The following SHC2 variants were observed in gnomAD, a reference collection of about 807,000 sequenced individuals.
SHC2 encodes SHC adaptor protein 2, also known as SHC-transforming protein 2.
Under a neutral mutation model 60.6 loss-of-function variants are expected in SHC2, and 62 were observed. The observed-to-expected ratio is 1.02, with a 90% CI of 0.83 to 1.26. The LOEUF is 1.26. Among genes scored for constraint, SHC2 ranks in the 50% most tolerant of loss-of-function variants. The pLI is 0.00. For missense variants in SHC2, 873 were observed against 822.2 expected, an observed-to-expected ratio of 1.06 and a Z score of -0.76; for synonymous variants, 375 against 372.4, an observed-to-expected ratio of 1.01 and a Z score of -0.08.
intron 4 of SHC2, 107 bp from the exon 5 acceptor site, chr19:436,790 T>G (rs964091319): frequency 1.1e-5 from 12 of 1,123,054 alleles, no homozygotes; most frequent in Non-Finnish European, 1.5e-5. Context: ...GGCAGGGATG[T>G]GGGGATGGAG....
In SHC2 at chr19:459,362, G is replaced by A. The variant is rs1408380392; in HGVS notation, c.468+1167C>T. ...GAAGGACCCCACTGAAGCCAGCGTA[G>A]GGGGAAGGACCCCACTGAAGCCAGC... On this transcript the variant is annotated intron_variant, in intron 1 of 12. Transcript: ENST00000264554. Among the ~76,000 whole-genome samples the A allele has an allele frequency of 2.9e-5, 4 of 138,140 alleles. 1 individual carries two copies. Among genetic ancestry groups the A allele is most frequent in the African/African-American group, 8.4e-5 (3 of 35,552 alleles). 90.6% of individuals were successfully genotyped at this position (138,140 alleles called of 152,430 possible). A position where few individuals can be genotyped will look rare whatever the true frequency, so the allele number is the denominator to read the frequency against.
chr19:418,154 G>A (rs1974195250), intron 12 of SHC2, among the ~76,000 whole-genome samples: 1 of 152,122 alleles, frequency 6.6e-6, no homozygotes, highest in Admixed American at 6.5e-5. Flanking sequence ...TGGAGGCCTG[G>A]GGCTCCTTGG....
intron 9 of SHC2, among the ~76,000 whole-genome samples, chr19:428,565 G>C (rs1032413420): frequency 6.6e-6 from 1 of 152,230 alleles, no homozygotes; most frequent in African/African-American, 2.4e-5. Context: ...GGGCTATGAC[G>C]CACGTTTGAA....
rs1975528538 is a variant in SHC2, at chr19:460,679, C to T, written c.318G>A (p.Gly106=). 3.8e-6 allele frequency: 4 copies of T among 1,054,450 alleles called. No individual in the cohort carries two copies. The highest frequency in any genetic ancestry group is 3.4e-6 in the Non-Finnish European group (3 of 879,752). 65.3% of individuals were successfully genotyped at this position (1,054,450 alleles called of 1,614,324 possible). The change falls in exon 1 of 13, where the codon GGG becomes GGA. Residue 106 remains glycine, a synonymous_variant. Transcript: ENST00000264554. The part of the protein sequence containing the change: ...LSRCRGAGSR[G]SRGGRGAAGS... ...CCGCCGCCCCCCGCCCGCCCCGCGACCCCCGCGACCCCGCGCCCCGACAGC... is the reference window on the plus strand; with the variant it reads ...CCGCCGCCCCCCGCCCGCCCCGCGATCCCCGCGACCCCGCGCCCCGACAGC...
At chr19:460,411 A>C in intron 1 of SHC2, 118 bp downstream of exon 1, 2 of 356,690 alleles carry the variant, frequency 5.6e-6, no homozygotes, top group East Asian at 5.2e-5. Context: ...GGGTGGCGGG[A>C]GAGCAGGAAG....
In SHC2 at chr19:424,326, C is replaced by T. The variant is rs543936474; in HGVS notation, c.1309+771G>A. Among the ~76,000 whole-genome samples the T allele has an allele frequency of 4.5e-4, 68 of 152,314 alleles. 1 individual carries two copies. In the South Asian group the frequency reaches 0.013, roughly 30 times the overall value. ...CCACTTTGTCCAGAGGTGGACTAAG[C>T]CTCCCTCATTGGACTGGGCGTTCCT... On this transcript the variant is annotated intron_variant, in intron 10 of 12. Coordinates refer to ENST00000264554, the MANE Select transcript of SHC2 (RefSeq NM_012435.3). The surrounding 1 kb of genome is among the most constrained non-coding windows in gnomAD (Gnocchi z 4.5).
intron 7 of SHC2, chr19:435,891 T>C: frequency 2.5e-6 from 1 of 398,476 alleles, no homozygotes; most frequent in Admixed American, 3.6e-5. Flanking sequence ...GGAGGAGGGA[T>C]ATTGGTTGTA....
intron 2 of SHC2, chr19:439,329 G>C: frequency 2.0e-6 from 1 of 493,460 alleles, no homozygotes; most frequent in Non-Finnish European, 3.7e-6. Flanking sequence ...CCCAGCTCTG[G>C]CCCCTCTACC....
chr19:441,184 G>A lies in SHC2; in HGVS notation c.469-252C>T. 4 of 984,372 alleles carry A rather than the reference G, an allele frequency of 4.1e-6. No homozygotes were observed. The highest frequency in any genetic ancestry group is 4.8e-6 in the Non-Finnish European group (4 of 829,360). 61.0% of individuals were successfully genotyped at this position (984,372 alleles called of 1,614,324 possible). On this transcript the variant is annotated intron_variant, in intron 1 of 12. Transcript: ENST00000264554. The surrounding 1 kb of genome is among the most constrained non-coding windows in gnomAD (Gnocchi z 4.9). The stretch of plus-strand genomic sequence containing the variant: ...TCTCAGGAGCCTGGTGGTTCCCCCA[G>A]ACGCTCTATGCTGCTTGTTCATTTA...
At chr19:430,887 C>T in intron 8 of SHC2, 140 bp from the exon 9 acceptor site, 3 of 746,900 alleles carry the variant, frequency 4.0e-6, no homozygotes, top group Non-Finnish European at 4.4e-6. Flanking sequence ...TCCCATTGCT[C>T]TCTCACTCTG....
chr19:442,791 ATGGATGGGTGGGTGGATGAGTGGATGGG>A (rs1974922954), intron 1 of SHC2, among the ~76,000 whole-genome samples: 1 of 66,222 alleles, frequency 1.5e-5, no homozygotes. Context: ...GGATGGGTGG[ATGGATGGGTGGGTGGATGAGTGGATGGG>A]TGGATGGGTG....
rs1354829177 is a variant in SHC2, at chr19:441,181, C to T, written c.469-249G>A. The T allele has an allele frequency of 1.0e-6, 1 of 984,626 alleles. No individual in the cohort carries two copies. The highest frequency in any genetic ancestry group is 1.2e-6 in the Non-Finnish European group (1 of 829,638). The allele number at this position is 984,626 out of a possible 1,614,324, so 61.0% of individuals were successfully genotyped here. ...GTTTCTCAGGAGCCTGGTGGTTCCC[C>T]CAGACGCTCTATGCTGCTTGTTCAT... is the stretch of plus-strand genomic sequence containing the variant. On this transcript the variant is annotated intron_variant, in intron 1 of 12. Coordinates refer to ENST00000264554, the MANE Select transcript of SHC2 (RefSeq NM_012435.3). The surrounding 1 kb of genome is among the most constrained non-coding windows in gnomAD (Gnocchi z 4.9).
chr19:430,399 A>T (rs1974550949), intron 9 of SHC2, among the ~76,000 whole-genome samples: 2 of 151,516 alleles, frequency 1.3e-5, no homozygotes, highest in South Asian at 2.1e-4. Context: ...ATGCATGGAC[A>T]CCTAATACCA....
intron 5 of SHC2, 32 bp downstream of exon 5, chr19:436,598 G>A (rs780572023): frequency 2.5e-6 from 4 of 1,597,360 alleles, no homozygotes; most frequent in South Asian, 1.1e-5. Context: ...GGGGCGGCAG[G>A]GCTGCAGGTC....
chr19:437,376 CTGCGTGCTTGTT>C (rs1181657388), intron 4 of SHC2, among the ~76,000 whole-genome samples: 11 of 152,040 alleles, frequency 7.2e-5, no homozygotes, highest in African/African-American at 2.7e-4. Flanking sequence ...GTGTGCTCGT[CTGCGTGCTTGTT>C]TGCATGCTCA....
chr19:420,301 C>T (rs1216319531), intron 11 of SHC2, among the ~76,000 whole-genome samples: 4 of 152,140 alleles, frequency 2.6e-5, no homozygotes, highest in African/African-American at 2.4e-5. Flanking sequence ...TGTCCCAGGC[C>T]GGGGTGCACA....
intron 1 of SHC2, among the ~76,000 whole-genome samples, chr19:454,446 C>T (rs907269598): frequency 1.2e-4 from 19 of 152,286 alleles, no homozygotes; most frequent in Admixed American, 3.3e-4. Flanking sequence ...GGAAGGCGGT[C>T]GGTCTCCCGT....
At chr19:447,695 T>C (rs1975083720) in intron 1 of SHC2, among the ~76,000 whole-genome samples, 1 of 152,034 alleles carries the variant, frequency 6.6e-6, no homozygotes, top group African/African-American at 2.4e-5. Context: ...GGAGAATCAC[T>C]TGAACCTGGG....
At chr19:428,531 A>G (rs1335992102) in intron 9 of SHC2, among the ~76,000 whole-genome samples, 5 of 152,212 alleles carry the variant, frequency 3.3e-5, no homozygotes, top group Non-Finnish European at 7.3e-5. Flanking sequence ...ATGGATGGGT[A>G]GCACACCCTA....
Sources: allele counts gnomAD v4.1 joint callset (sites outside exome capture counted in the v4.1 genomes callset), GRCh38; gene constraint gnomAD v4.1.1; non-coding constraint Gnocchi (gnomAD v3.1); transcripts MANE v1.5; gene names NCBI Gene and HGNC (gene_info 2026-07-23, HGNC 2026-07-21).